CAP2: variants seen among roughly 807,000 people sequenced by gnomAD.
The protein encoded by CAP2 is cyclase associated actin cytoskeleton regulatory protein 2.
CAP2 carries 24 observed loss-of-function variants against 57.7 expected under a neutral mutation model. The ratio of observed to expected loss-of-function variants is 0.42; its 90% confidence interval spans 0.30 to 0.58. The LOEUF (loss-of-function observed/expected upper bound fraction) is 0.58. Among genes scored for constraint, CAP2 ranks in the 20% least tolerant of loss-of-function variants. The pLI, the probability that CAP2 is intolerant of heterozygous loss-of-function variation, is 0.22. For synonymous variants in CAP2, 194 were observed against 207.2 expected (o/e 0.94, Z 0.55); for missense variants, 501 against 590.3 (o/e 0.85, Z 1.57).
At chr6:17,403,497 C>A (rs2113504149) in intron 1 of CAP2, among the ~76,000 whole-genome samples, 1 of 152,186 alleles carries the variant, frequency 6.6e-6, no homozygotes, top group African/African-American at 2.4e-5. Context: ...AATAAAGTTG[C>A]TTTTTATTTA....
At chr6:17,400,045 C>CCCATCTCT (rs1261001832) in intron 1 of CAP2, among the ~76,000 whole-genome samples, 1 of 150,106 alleles carries the variant, frequency 6.7e-6, no homozygotes, top group Non-Finnish European at 1.5e-5. Context: ...ACGGTGAAAC[C>CCCATCTCT]CCATCTCTAT....
intron 12 of CAP2, among the ~76,000 whole-genome samples, chr6:17,555,414 G>A (rs1181269482): frequency 2.0e-5 from 3 of 151,800 alleles, no homozygotes; most frequent in South Asian, 2.1e-4. Flanking sequence ...GGCTGGTCTC[G>A]AACTCCCAAC....
intron 3 of CAP2, among the ~76,000 whole-genome samples, chr6:17,453,297 A>C (rs914843823): frequency 2.0e-5 from 3 of 152,196 alleles, no homozygotes; most frequent in Admixed American, 2.0e-4. Context: ...GAACTTCTCT[A>C]TTGAGGTCTA....
intron 2 of CAP2, among the ~76,000 whole-genome samples, chr6:17,423,616 T>C (rs1759501810): frequency 6.6e-6 from 1 of 151,958 alleles, no homozygotes; most frequent in Non-Finnish European, 1.5e-5. Flanking sequence ...ATAGTATTAT[T>C]GAGTAAAGAA....
At chr6:17,462,920 G>T in intron 3 of CAP2, 76 bp from the exon 4 acceptor site, 2 of 1,109,206 alleles carry the variant, frequency 1.8e-6, no homozygotes, top group Admixed American at 1.7e-5. Context: ...ATACCTACGG[G>T]TGGAATTGCC....
At chr6:17,419,466 C>T (rs1759373506) in intron 1 of CAP2, among the ~76,000 whole-genome samples, 1 of 152,110 alleles carries the variant, frequency 6.6e-6, no homozygotes, top group African/African-American at 2.4e-5. Context: ...CAAAAGCAAC[C>T]ATAAGTTGAT....
intron 4 of CAP2, among the ~76,000 whole-genome samples, chr6:17,473,457 AG>A (rs1173789363): frequency 2.0e-5 from 3 of 152,230 alleles, no homozygotes; most frequent in Admixed American, 6.5e-5. Context: ...AAGAGTTGCA[AG>A]TTTTTCTCTC....
intron 4 of CAP2, among the ~76,000 whole-genome samples, chr6:17,492,532 G>A (rs577054550): frequency 2.0e-5 from 3 of 152,280 alleles, no homozygotes; most frequent in Non-Finnish European, 4.4e-5. Flanking sequence ...TAGCCTATGC[G>A]TGGCTGAATT....
chr6:17,526,576 A>G (rs1480089040), intron 7 of CAP2, among the ~76,000 whole-genome samples: 2 of 152,218 alleles, frequency 1.3e-5, no homozygotes, highest in Non-Finnish European at 2.9e-5. Flanking sequence ...AGAAGGTAGT[A>G]TTAACTTAAG....
intron 8 of CAP2, among the ~76,000 whole-genome samples, chr6:17,539,849 G>A (rs1762860025): frequency 6.6e-6 from 1 of 152,216 alleles, no homozygotes; most frequent in Non-Finnish European, 1.5e-5. Flanking sequence ...GGAGGCCAAG[G>A]CAGGCCTATT....
chr6:17,496,404 G>T (rs1761670252), intron 4 of CAP2, among the ~76,000 whole-genome samples: 1 of 152,174 alleles, frequency 6.6e-6, no homozygotes, highest in Non-Finnish European at 1.5e-5. Context: ...TCCCAACCCT[G>T]TTGACCAGGA....
chr6:17,554,200 G>A (rs964743099), intron 12 of CAP2, among the ~76,000 whole-genome samples: 5 of 152,150 alleles, frequency 3.3e-5, no homozygotes, highest in Admixed American at 6.5e-5. Context: ...TCGACCCCCC[G>A]GGCTCAATCG....
chr6:17,454,012 C>T (rs999006534), intron 3 of CAP2, among the ~76,000 whole-genome samples: 1 of 150,870 alleles, frequency 6.6e-6, no homozygotes, highest in African/African-American at 2.4e-5. Flanking sequence ...AGCCTCCCAC[C>T]TCAGCCTCCC....
At chr6:17,465,535 C>T (rs1760840152) in intron 4 of CAP2, among the ~76,000 whole-genome samples, 1 of 152,162 alleles carries the variant, frequency 6.6e-6, no homozygotes, top group Non-Finnish European at 1.5e-5. Context: ...CTTCCCTTTC[C>T]TCTTTATTCA....
At chr6:17,442,808 C>T (rs1425801924) in intron 3 of CAP2, among the ~76,000 whole-genome samples, 1 of 151,746 alleles carries the variant, frequency 6.6e-6, no homozygotes, top group South Asian at 2.1e-4. Flanking sequence ...ACCTCTTCCT[C>T]CTGGGTTCAA....
chr6:17,549,828 C>T (rs1036857979), intron 11 of CAP2, among the ~76,000 whole-genome samples: 2 of 152,174 alleles, frequency 1.3e-5, no homozygotes, highest in Non-Finnish European at 2.9e-5. Flanking sequence ...AAATCTGTGA[C>T]ATTCACTGCA....
At chr6:17,489,290 G>A (rs1761493644) in intron 4 of CAP2, among the ~76,000 whole-genome samples, 1 of 152,074 alleles carries the variant, frequency 6.6e-6, no homozygotes, top group South Asian at 2.1e-4. Context: ...AAATAAGCCG[G>A]GTGTGGTGGC....
chr6:17,540,929 C>T lies in CAP2; in HGVS notation c.827-44C>T, dbSNP rs1762882997. Reference sequence around the variant, plus strand: ...TTGATCTAGCAAGTTAGAGACATTTCCCTTTGCATAAAATAAATGTGTCCA... The same window carrying T: ...TTGATCTAGCAAGTTAGAGACATTTTCCTTTGCATAAAATAAATGTGTCCA... On this transcript the variant is annotated intron_variant, in intron 8 of 12. Transcript: ENST00000229922. 3 of 1,546,862 alleles carry T rather than the reference C, an allele frequency of 1.9e-6. No individual in the cohort carries two copies. The Middle Eastern group carries it at 5.2e-4, about 269-fold the overall frequency.
At chr6:17,534,332 A>G (rs1404249579) in intron 7 of CAP2, among the ~76,000 whole-genome samples, 1 of 152,376 alleles carries the variant, frequency 6.6e-6, no homozygotes, top group South Asian at 2.1e-4. Context: ...CTCCATGTGC[A>G]GATCCAACCA....
Sources: gnomAD v4.1 joint callset for allele counts (sites outside exome capture counted in the v4.1 genomes callset) on GRCh38, gnomAD v4.1.1 for gene constraint, MANE v1.5 for transcripts, NCBI Gene and HGNC (gene_info 2026-07-23, HGNC 2026-07-21) for gene names.